NPAS3: variants seen among roughly 807,000 people sequenced by gnomAD.
NPAS3 encodes neuronal PAS domain-containing protein 3.
Under a neutral mutation model 73.1 loss-of-function variants are expected in NPAS3, and 14 were observed. The observed-to-expected ratio is 0.19, with a 90% CI of 0.13 to 0.30. The LOEUF (loss-of-function observed/expected upper bound fraction) is 0.30, where lower values mean the gene tolerates loss of function less well. Ranked by LOEUF, NPAS3 falls within the 10% of genes least tolerant of loss-of-function variation. NPAS3 has a pLI of 1.00. For synonymous variants in NPAS3, 620 were observed against 541.5 expected (o/e 1.14, Z -2.01); for missense variants, 1,096 against 1,250.0 (o/e 0.88, Z 1.86).
chr14:33,247,892 A>G (rs1403248144), intron 3 of NPAS3, among the ~76,000 whole-genome samples: 1 of 152,212 alleles, frequency 6.6e-6, no homozygotes. Flanking sequence ...GATTCATTAT[A>G]GACCTGGAAA....
chr14:32,989,093 G>C (rs950830459), intron 1 of NPAS3, among the ~76,000 whole-genome samples: 1 of 151,586 alleles, frequency 6.6e-6, no homozygotes, highest in Admixed American at 6.5e-5. Flanking sequence ...TGCTGTGGAA[G>C]AGGTAGGTAG....
At chr14:33,169,834 T>C (rs2045319993) in intron 2 of NPAS3, among the ~76,000 whole-genome samples, 2 of 152,202 alleles carry the variant, frequency 1.3e-5, no homozygotes, top group South Asian at 4.1e-4. Context: ...TAGTATTGAA[T>C]TGAAATCAGA....
chr14:33,567,823 CTG>C (rs2056036003), intron 5 of NPAS3, among the ~76,000 whole-genome samples: 1 of 152,172 alleles, frequency 6.6e-6, no homozygotes, highest in Non-Finnish European at 1.5e-5. Flanking sequence ...AGACCACTAT[CTG>C]TGAAAGAGAA....
downstream of NPAS3, chr14:33,803,609 T>C (rs2063764454): frequency 6.6e-6 from 1 of 152,172 alleles, no homozygotes; most frequent in Admixed American, 6.5e-5. Flanking sequence ...TTTTTTTCTT[T>C]TATAAATGTT....
At chr14:33,588,470 G>A (rs1713718783) in intron 5 of NPAS3, among the ~76,000 whole-genome samples, 1 of 152,204 alleles carries the variant, frequency 6.6e-6, no homozygotes, top group Admixed American at 6.5e-5. Flanking sequence ...TAAGAACTTA[G>A]TCTAATTTCT....
intron 4 of NPAS3, among the ~76,000 whole-genome samples, chr14:33,534,593 A>C (rs1352183223): frequency 6.6e-6 from 1 of 152,192 alleles, no homozygotes; most frequent in Non-Finnish European, 1.5e-5. Context: ...GTAGTGAGAA[A>C]GTGTCTGCTA....
At chr14:32,965,194 G>A (rs1055936791) in intron 1 of NPAS3, among the ~76,000 whole-genome samples, 10 of 152,056 alleles carry the variant, frequency 6.6e-5, no homozygotes, top group African/African-American at 1.9e-4. Flanking sequence ...GAAGTAGAGG[G>A]AGTTGATCCA....
chr14:33,452,169 A>G (rs898621423), intron 4 of NPAS3, among the ~76,000 whole-genome samples: 2 of 152,150 alleles, frequency 1.3e-5, no homozygotes, highest in African/African-American at 4.8e-5. Context: ...CATTCAGGCA[A>G]TGAAGGAACT....
intron 5 of NPAS3, among the ~76,000 whole-genome samples, chr14:33,657,733 A>G (rs747394513): frequency 3.4e-4 from 51 of 152,086 alleles, no homozygotes; most frequent in Non-Finnish European, 1.0e-4. Flanking sequence ...GTCCTCATGG[A>G]TTTATTTTTC....
chr14:33,449,070 AC>A (rs1421436948), intron 4 of NPAS3, among the ~76,000 whole-genome samples: 5 of 152,298 alleles, frequency 3.3e-5, no homozygotes, highest in African/African-American at 1.2e-4. Context: ...AGAGTTAAAC[AC>A]CCCAACCGCA....
At chr14:33,493,543 C>T (rs1277708478) in intron 4 of NPAS3, among the ~76,000 whole-genome samples, 2 of 152,082 alleles carry the variant, frequency 1.3e-5, no homozygotes, top group East Asian at 1.9e-4. Context: ...CATGAGGACA[C>T]ATGGATGTGT....
intron 5 of NPAS3, among the ~76,000 whole-genome samples, chr14:33,581,034 G>A (rs1039620907): frequency 1.3e-5 from 2 of 152,172 alleles, no homozygotes; most frequent in African/African-American, 2.4e-5. Flanking sequence ...CTATAAACAT[G>A]ACACTGGGAT....
At chr14:33,408,895 G>T (rs139430948) in intron 4 of NPAS3, among the ~76,000 whole-genome samples, 2 of 152,272 alleles carry the variant, frequency 1.3e-5, no homozygotes, top group East Asian at 1.9e-4. Flanking sequence ...GAGGAAAGTG[G>T]AGTATGTGGA....
Position 33,359,482 on chromosome 14 carries a change from C to T in NPAS3, c.386-7704C>T, listed in dbSNP as rs182913484. 4.7e-3 allele frequency among the ~76,000 whole-genome samples: 718 copies of T among 152,242 alleles called. 9 individuals carry two copies. The highest frequency in any genetic ancestry group is 3.1e-3 in the Non-Finnish European group (208 of 68,014). ...ACTATTTCAGTGGTAATCTCCACCCCCTTCCTACTGGGTGGAATCATGCCA... is the reference window on the plus strand; with the variant it reads ...ACTATTTCAGTGGTAATCTCCACCCTCTTCCTACTGGGTGGAATCATGCCA... On this transcript the variant is annotated intron_variant, in intron 3 of 11. Transcript: ENST00000356141.
chr14:33,066,309 G>A (rs999009550), intron 2 of NPAS3, among the ~76,000 whole-genome samples: 15 of 152,270 alleles, frequency 9.9e-5, no homozygotes, highest in Middle Eastern at 3.4e-3. Flanking sequence ...AAGGTCGAGG[G>A]CATTCCTGAA....
At position 33,257,791 on chromosome 14, in the gene NPAS3, C is replaced by T. The variant is rs1734882416; in HGVS notation, c.385+42365C>T. ...TCCATACCCCCAAGAATAACTGTGC[C>T]TTTTTGTCTTTTAATGTGTGTTTTC... On this transcript the variant is annotated intron_variant, in intron 3 of 11. Transcript: ENST00000356141. Among the ~76,000 whole-genome samples the T allele has an allele frequency of 3.3e-5, 5 of 152,008 alleles. No individual in the cohort carries two copies. The South Asian group carries it at 1.0e-3, about 32-fold the overall frequency.
chr14:33,386,070 AT>A (rs5807722), intron 4 of NPAS3, among the ~76,000 whole-genome samples: 67,103 of 148,056 alleles, frequency 0.45, 15,681 homozygotes, highest in African/African-American at 0.59. Context: ...GTAATTGAGA[AT>A]TTTTTTTTTT....
chr14:33,687,024 T>C (rs1024701916), intron 6 of NPAS3, among the ~76,000 whole-genome samples: 5 of 152,174 alleles, frequency 3.3e-5, no homozygotes, highest in Non-Finnish European at 7.3e-5. Context: ...TGAATAGACC[T>C]TGAGAAGAAA....
chr14:33,409,185 T>G (rs1275856293), intron 4 of NPAS3, among the ~76,000 whole-genome samples: 3 of 152,146 alleles, frequency 2.0e-5, no homozygotes, highest in African/African-American at 7.2e-5. Context: ...ACTTGTAAGG[T>G]TGTGGGGAGG....
Sources: gnomAD v4.1 joint callset for allele counts (sites outside exome capture counted in the v4.1 genomes callset) on GRCh38, gnomAD v4.1.1 for gene constraint, MANE v1.5 for transcripts, NCBI Gene and HGNC (gene_info 2026-07-23, HGNC 2026-07-21) for gene names.